The following ATRX variants were observed in gnomAD, a reference collection of about 807,000 sequenced individuals.
ATRX encodes the protein ATRX chromatin remodeler.
Under a neutral mutation model 172.6 loss-of-function variants are expected in ATRX, and 12 were observed. The observed-to-expected ratio is 0.07, with a 90% CI of 0.04 to 0.11. The LOEUF is 0.11. ATRX is among the 10% of genes least tolerant of loss of function. The pLI is 1.00. For synonymous variants in ATRX, 674 were observed against 594.7 expected (o/e 1.13, Z -1.94); for missense variants, 1,368 against 1,767.4 (o/e 0.77, Z 4.05).
In ATRX at chrX:77,770,965, C is replaced by T. The variant is rs782378410; in HGVS notation, c.20+15017G>A. ...TAATATTCACCATTGACCATTTTTA[C>T]CATTTCACTGTATCACTATTCTTTT... On this transcript the variant is annotated intron_variant, in intron 1 of 34. Coordinates refer to ENST00000373344, the MANE Select transcript of ATRX (RefSeq NM_000489.6). 6.2e-5 allele frequency among the ~76,000 whole-genome samples: 7 copies of T among 112,318 alleles called. No individual in the cohort carries two copies. The South Asian group carries it at 2.6e-3, about 41-fold the overall frequency.
intron 10 of ATRX, chrX:77,675,531 T>C (rs1047474877): frequency 4.5e-5 from 5 of 111,772 alleles, no homozygotes; most frequent in Non-Finnish European, 7.5e-5. Context: ...TAGTCTTTAA[T>C]ACTGTTGTTT....
intron 10 of ATRX, among the ~76,000 whole-genome samples, chrX:77,671,255 G>C (rs1344477993): frequency 1.1e-5 from 1 of 93,036 alleles, no homozygotes; most frequent in Non-Finnish European, 2.1e-5. Flanking sequence ...TAATAATGAA[G>C]TCACCAAATA....
At chrX:77,661,991 C>A (rs2069935527) in intron 12 of ATRX, among the ~76,000 whole-genome samples, 1 of 111,149 alleles carries the variant, frequency 9.0e-6, no homozygotes, top group African/African-American at 3.3e-5. Context: ...AAATTTTTTT[C>A]CCTGCTTGTG....
intron 22 of ATRX, among the ~76,000 whole-genome samples, chrX:77,602,211 G>A (rs1352913485): frequency 1.8e-5 from 2 of 110,920 alleles, no homozygotes; most frequent in Non-Finnish European, 3.8e-5. Context: ...GTCTCGCTTT[G>A]TTGACCAGGC....
At chrX:77,772,821 T>G (rs1054714234) in intron 1 of ATRX, among the ~76,000 whole-genome samples, 1 of 109,071 alleles carries the variant, frequency 9.2e-6, no homozygotes. Context: ...AAATGCTAAA[T>G]CTTGTGGTAT....
At chrX:77,546,862 T>C (rs1456292413) in intron 30 of ATRX, among the ~76,000 whole-genome samples, 1 of 112,233 alleles carries the variant, frequency 8.9e-6, no homozygotes, top group Non-Finnish European at 1.9e-5. Context: ...TTCAAAGGCA[T>C]GTCAACTATT....
chrX:77,651,929 CAAATA>C, intron 15 of ATRX, 180 bp downstream of exon 15: 2 of 448,700 alleles, frequency 4.5e-6, no homozygotes, highest in Non-Finnish European at 7.6e-6. Flanking sequence ...AGTCATATAC[CAAATA>C]AAATAAATCA....
rs2062752624 is a variant in ATRX, at chrX:77,508,255, C to T, written c.*96G>A. On this transcript the variant is annotated 3_prime_UTR_variant, in exon 35 of 35. Transcript: ENST00000373344. ...AAGATTGGCATTTAAGGGGACCAAA[C>T]TATTTATACAGTTGAGTTCTGTTAA... The T allele has an allele frequency of 1.4e-5, 15 of 1,050,441 alleles. No individual in the cohort carries two copies. The highest frequency in any genetic ancestry group is 1.8e-5 in the Non-Finnish European group (14 of 767,335). 86.6% of individuals were successfully genotyped at this position (1,050,441 alleles called of 1,213,427 possible).
At chrX:77,700,459 T>C (rs782527829) in intron 2 of ATRX, among the ~76,000 whole-genome samples, 1 of 112,170 alleles carries the variant, frequency 8.9e-6, no homozygotes, top group East Asian at 2.8e-4. Flanking sequence ...ATACCATATA[T>C]AAAGCAGCAA....
chrX:77,614,271 G>GA (rs1268643704), intron 22 of ATRX, among the ~76,000 whole-genome samples: 1 of 112,056 alleles, frequency 8.9e-6, no homozygotes, highest in African/African-American at 3.2e-5. Context: ...TTTGTACTGA[G>GA]AATCAAGACA....
intron 30 of ATRX, among the ~76,000 whole-genome samples, chrX:77,534,447 C>G (rs991238205): frequency 8.1e-5 from 9 of 111,790 alleles, no homozygotes; most frequent in Middle Eastern, 4.2e-3. Flanking sequence ...AATTTCATCC[C>G]AATACACAAC....
At chrX:77,675,251 A>C (rs1240328228) in intron 10 of ATRX, 2 of 112,210 alleles carry the variant, frequency 1.8e-5, no homozygotes, top group African/African-American at 6.5e-5. Flanking sequence ...AAATCATCTC[A>C]AATCTATCAT....
chrX:77,689,507 C>T (rs1365433022), intron 6 of ATRX, among the ~76,000 whole-genome samples: 8 of 112,365 alleles, frequency 7.1e-5, no homozygotes, highest in African/African-American at 2.6e-4. Flanking sequence ...CCACTATCCA[C>T]TCCATATCAA....
Position 77,658,777 on chromosome X carries a change from T to C in ATRX, c.4121-2124A>G, listed in dbSNP as rs1336565145. On this transcript the variant is annotated intron_variant, in intron 12 of 34. Transcript: ENST00000373344. ...GTTTGTAAACCCCCGGCTTAGTTGA[T>C]AGTATTGTACCAATATTAATTTCCT... Among the ~76,000 whole-genome samples the C allele has an allele frequency of 9.8e-5, 11 of 111,780 alleles. No individual in the cohort carries two copies. The Admixed American group carries it at 1.1e-3, about 11-fold the overall frequency.
chrX:77,656,606 T>C lies in ATRX; in HGVS notation c.4168A>G (p.Ser1390Gly). 1 of 1,207,823 alleles carries C rather than the reference T, an allele frequency of 8.3e-7. No homozygotes were observed. The change falls in exon 13 of 35, where the codon AGT becomes GGT. Residue 1390 changes from serine (S) to glycine (G), a missense_variant. By Grantham distance (56) the Ser-to-Gly change is moderately conservative. Around this residue, in one of 17 missense-constraint regions of ATRX, gnomAD observed 119 missense variants for 131.3 expected, o/e 0.91. Coordinates refer to ENST00000373344, the MANE Select transcript of ATRX (RefSeq NM_000489.6). ...EDSDFQESGV[S>G]EEVSESEDEQ... ...TCTTCGGATTCACTAACTTCTTCAC[T>C]AACTCCTGATTCCTGAAAATCAGAA...
chrX:77,620,304 A>G, intron 20 of ATRX, 91 bp downstream of exon 20: 1 of 1,002,919 alleles, frequency 1.0e-6, no homozygotes, highest in Non-Finnish European at 1.4e-6. Flanking sequence ...ACTATACTAG[A>G]ATAAGTAGAA....
chrX:77,740,210 C>A (rs2074799088), intron 1 of ATRX, among the ~76,000 whole-genome samples: 1 of 109,206 alleles, frequency 9.2e-6, no homozygotes, highest in Non-Finnish European at 1.9e-5. Context: ...TAGATCAATC[C>A]AAAAACTGAG....
At chrX:77,662,442 A>G (rs2069961863) in intron 12 of ATRX, among the ~76,000 whole-genome samples, 1 of 111,978 alleles carries the variant, frequency 8.9e-6, no homozygotes, top group East Asian at 2.8e-4. Flanking sequence ...ACCCTTCTAC[A>G]GGAAAGCACT....
intron 10 of ATRX, 152 bp downstream of exon 10, chrX:77,676,074 T>G: frequency 2.1e-6 from 1 of 467,389 alleles, no homozygotes; most frequent in Non-Finnish European, 3.6e-6. Context: ...TTTCTGGCCT[T>G]TCTTTCAAAC....
Sources: allele counts gnomAD v4.1 joint callset (sites outside exome capture counted in the v4.1 genomes callset), GRCh38; gene constraint gnomAD v4.1.1; regional missense constraint gnomAD v4.1.1; transcripts MANE v1.5; gene names NCBI Gene and HGNC (gene_info 2026-07-23, HGNC 2026-07-21).